The following PPARGC1A variants were observed in gnomAD, a reference collection of about 807,000 sequenced individuals.
PPARGC1A encodes the protein peroxisome proliferator-activated receptor gamma coactivator 1-alpha.
PPARGC1A carries 25 observed loss-of-function variants against 88.7 expected under a neutral mutation model. The ratio of observed to expected loss-of-function variants is 0.28; its 90% CI spans 0.21 to 0.39. PPARGC1A has a LOEUF of 0.39. Among genes scored for constraint, PPARGC1A ranks in the 10% least tolerant of loss-of-function variants. The pLI, the probability that PPARGC1A is intolerant of heterozygous loss-of-function variation, is 1.00. For synonymous variants in PPARGC1A, 363 were observed against 355.6 expected (o/e 1.02, Z -0.24); for missense variants, 880 against 968.7 (o/e 0.91, Z 1.22).
chr4:24,258,707 C>G, the PPARGC1A span, among the ~76,000 whole-genome samples: 1 of 152,180 alleles, frequency 6.6e-6, no homozygotes, highest in Non-Finnish European at 1.5e-5. Flanking sequence ...CTTATGTTCA[C>G]ATTTCAGCAT....
the PPARGC1A span, among the ~76,000 whole-genome samples, chr4:24,247,013 CA>C: frequency 6.6e-6 from 1 of 152,226 alleles, no homozygotes; most frequent in Non-Finnish European, 1.5e-5. Flanking sequence ...ACACTTCCAA[CA>C]GTATTTTCAG....
chr4:24,088,659 G>C, the PPARGC1A span, among the ~76,000 whole-genome samples: 1 of 152,074 alleles, frequency 6.6e-6, no homozygotes, highest in Non-Finnish European at 1.5e-5. Flanking sequence ...CATAGAGTAA[G>C]GGTTAAAAAA....
the PPARGC1A span, among the ~76,000 whole-genome samples, chr4:24,000,832 C>G: frequency 6.6e-6 from 1 of 152,216 alleles, no homozygotes; most frequent in East Asian, 1.9e-4. Context: ...TGGGAATCTC[C>G]TTTTCTTTTC....
chr4:24,052,162 T>C, the PPARGC1A span, among the ~76,000 whole-genome samples: 58 of 152,272 alleles, frequency 3.8e-4, no homozygotes, highest in African/African-American at 1.2e-3. Context: ...GAAAATCATA[T>C]AAGGGAGGAA....
At chr4:24,123,313 C>T in the PPARGC1A span, among the ~76,000 whole-genome samples, 1 of 152,126 alleles carries the variant, frequency 6.6e-6, no homozygotes, top group African/African-American at 2.4e-5. Context: ...ATCCCTGAAA[C>T]CCAAGAGCTT....
At chr4:24,344,262 C>T in the PPARGC1A span, among the ~76,000 whole-genome samples, 1 of 152,114 alleles carries the variant, frequency 6.6e-6, no homozygotes, top group Non-Finnish European at 1.5e-5. Flanking sequence ...TGGGTAGATA[C>T]CCAGTAGTGG....
the PPARGC1A span, among the ~76,000 whole-genome samples, chr4:24,260,759 C>T: frequency 6.7e-6 from 1 of 148,448 alleles, no homozygotes; most frequent in African/African-American, 2.5e-5. Flanking sequence ...GGCATTTTTG[C>T]ACTGATATAA....
At chr4:24,327,503 G>C in the PPARGC1A span, among the ~76,000 whole-genome samples, 1 of 151,960 alleles carries the variant, frequency 6.6e-6, no homozygotes, top group Admixed American at 6.6e-5. Context: ...CCCAATTCTT[G>C]GTCCTTTTAT....
chr4:24,163,148 C>G, the PPARGC1A span, among the ~76,000 whole-genome samples: 2 of 148,350 alleles, frequency 1.3e-5, no homozygotes, highest in South Asian at 4.5e-4. Flanking sequence ...TGAATGCTCC[C>G]CAAGCCCTGT....
At chr4:24,140,100 A>G in the PPARGC1A span, among the ~76,000 whole-genome samples, 1,871 of 152,278 alleles carry the variant, frequency 0.012, 34 homozygotes, top group African/African-American at 0.043. Context: ...GTCGAGAGCC[A>G]AAACCCGCCT....
chr4:23,891,948 G>A (rs1428121444), upstream of PPARGC1A, among the ~76,000 whole-genome samples: 1 of 152,144 alleles, frequency 6.6e-6, no homozygotes, highest in Non-Finnish European at 1.5e-5. Flanking sequence ...CATTGGCTCT[G>A]CCCTCAAGGA....
At chr4:24,330,559 G>T in the PPARGC1A span, among the ~76,000 whole-genome samples, 3 of 152,170 alleles carry the variant, frequency 2.0e-5, no homozygotes, top group African/African-American at 4.8e-5. Context: ...CACAGGAGAA[G>T]CTCCATGACA....
the PPARGC1A span, among the ~76,000 whole-genome samples, chr4:23,961,681 A>G: frequency 6.6e-6 from 1 of 151,496 alleles, no homozygotes; most frequent in African/African-American, 2.4e-5. Context: ...TTAAATGGCC[A>G]TGTTCTTCGC....
At chr4:24,218,752 G>A in the PPARGC1A span, among the ~76,000 whole-genome samples, 1 of 152,226 alleles carries the variant, frequency 6.6e-6, no homozygotes. Flanking sequence ...TCAGGAGGTG[G>A]TTTAGGAAAC....
chr4:24,381,654 G>A, the PPARGC1A span, among the ~76,000 whole-genome samples: 1 of 152,088 alleles, frequency 6.6e-6, no homozygotes, highest in Non-Finnish European at 1.5e-5. Context: ...CTTAAACTGT[G>A]GTGTTACTCA....
intron 2 of PPARGC1A, among the ~76,000 whole-genome samples, chr4:23,846,176 A>G (rs1577490440): frequency 6.6e-6 from 1 of 152,210 alleles, no homozygotes. Flanking sequence ...ATGAAAAGGA[A>G]AAACATGCCA....
the PPARGC1A span, among the ~76,000 whole-genome samples, chr4:23,959,790 T>C: frequency 1.3e-5 from 2 of 152,114 alleles, no homozygotes; most frequent in East Asian, 3.9e-4. Flanking sequence ...AGAACTTTCA[T>C]ATTAGCCGGG....
the PPARGC1A span, among the ~76,000 whole-genome samples, chr4:24,355,890 T>G: frequency 2.6e-4 from 39 of 152,164 alleles, no homozygotes; most frequent in Non-Finnish European, 4.0e-4. Flanking sequence ...CTCATGCCTA[T>G]CTCTATAAGA....
chr4:24,263,456 T>TACAC, the PPARGC1A span, among the ~76,000 whole-genome samples: 51,600 of 149,846 alleles, frequency 0.34, 9,006 homozygotes, highest in Middle Eastern at 0.46. Context: ...TGTGGGTGTA[T>TACAC]ACACACACAC....
Sources: allele counts gnomAD v4.1 joint callset (sites outside exome capture counted in the v4.1 genomes callset), GRCh38; gene constraint gnomAD v4.1.1; transcripts MANE v1.5; gene names NCBI Gene and HGNC (gene_info 2026-07-23, HGNC 2026-07-21).